Variants in GLT8D2 observed in about 807,000 individuals in gnomAD.
GLT8D2 encodes the protein glycosyltransferase 8 domain containing 2.
Under a neutral mutation model 44.5 loss-of-function variants are expected in GLT8D2, and 45 were observed. The ratio of observed to expected loss-of-function variants is 1.01; its 90% CI spans 0.80 to 1.30. The LOEUF (loss-of-function observed/expected upper bound fraction) is 1.30, where lower values mean the gene tolerates loss of function less well. Ranked by LOEUF, GLT8D2 falls within the 50% of genes most tolerant of loss-of-function variation. The probability of loss-of-function intolerance (pLI) is 0.00; values close to 1 mark genes in which losing one functional copy is unlikely to be tolerated. For missense variants in GLT8D2, 400 were observed against 430.4 expected (o/e 0.93, Z 0.62); for synonymous variants, 156 against 157.2 (o/e 0.99, Z 0.06).
chr12:104,047,595 T>C (rs542318064), intron 1 of GLT8D2, among the ~76,000 whole-genome samples: 1 of 152,298 alleles, frequency 6.6e-6, no homozygotes, highest in South Asian at 2.1e-4. Flanking sequence ...TGTGAGCCGC[T>C]GTGCCCAGCC....
chr12:104,014,974 C>T, intron 4 of GLT8D2, 39 bp downstream of exon 4: 1 of 1,429,848 alleles, frequency 7.0e-7, no homozygotes, highest in Non-Finnish European at 9.9e-7. Flanking sequence ...AAACCACATT[C>T]CTGGGTATCC....
intron 1 of GLT8D2, among the ~76,000 whole-genome samples, chr12:104,038,888 C>T (rs1421113841): frequency 6.6e-6 from 1 of 152,156 alleles, no homozygotes; most frequent in Non-Finnish European, 1.5e-5. Context: ...TACCTGACTT[C>T]AAACTATACT....
At chr12:104,015,436 A>ACACACACACAC (rs1555278722) in intron 3 of GLT8D2, among the ~76,000 whole-genome samples, 40 of 148,412 alleles carry the variant, frequency 2.7e-4, no homozygotes, top group South Asian at 6.4e-4. Context: ...ACACACACAC[A>ACACACACACAC]AATTAGCTGG....
intron 8 of GLT8D2, 75 bp downstream of exon 8, chr12:103,996,660 T>G: frequency 9.5e-7 from 1 of 1,053,170 alleles, no homozygotes; most frequent in Admixed American, 1.9e-5. Context: ...TTACACTCAT[T>G]TTGACTTGCA....
At chr12:104,022,774 A>ATG (rs1206415577) in intron 1 of GLT8D2, among the ~76,000 whole-genome samples, 10 of 149,798 alleles carry the variant, frequency 6.7e-5, no homozygotes, top group South Asian at 2.1e-4. Context: ...ACACACATGC[A>ATG]CACACACACA....
intron 10 of GLT8D2, 46 bp from the exon 11 acceptor site, chr12:103,989,623 C>T (rs772719598): frequency 3.4e-6 from 5 of 1,451,680 alleles, no homozygotes; most frequent in South Asian, 1.3e-5. Context: ...TAGAGAATAA[C>T]ATTTTTGTAT....
At chr12:104,053,816 G>A (rs1487462892), upstream of GLT8D2, among the ~76,000 whole-genome samples, 6 of 151,748 alleles carry the variant, frequency 4.0e-5, no homozygotes, top group South Asian at 2.1e-4. Flanking sequence ...CCCGGGAGGC[G>A]GAGTTTGCAG....
At chr12:104,048,527 G>A (rs1224417876) in intron 1 of GLT8D2, among the ~76,000 whole-genome samples, 1 of 152,230 alleles carries the variant, frequency 6.6e-6, no homozygotes, top group Non-Finnish European at 1.5e-5. Flanking sequence ...TGAGGGCTGT[G>A]CCTTAATGAA....
At chr12:104,015,160 G>T in intron 3 of GLT8D2, 55 bp from the exon 4 acceptor site, 2 of 1,408,822 alleles carry the variant, frequency 1.4e-6, no homozygotes, top group South Asian at 2.4e-5. Flanking sequence ...GAAATCACGT[G>T]ACAAAGTTTA....
At chr12:103,992,881 A>T (rs1309450287) in intron 10 of GLT8D2, among the ~76,000 whole-genome samples, 1 of 152,184 alleles carries the variant, frequency 6.6e-6, no homozygotes, top group Non-Finnish European at 1.5e-5. Context: ...CTCCAGAAAC[A>T]CGCTCCTCAG....
rs577550996 is a variant in GLT8D2 at position 104,000,803 on chromosome 12, A to G, written c.285-1289T>C. Among the ~76,000 whole-genome samples, 5 of 152,318 alleles carry G rather than the reference A, an allele frequency of 3.3e-5. No individual in the cohort carries two copies. The South Asian group carries it at 6.2e-4, about 19-fold the overall frequency. On this transcript the variant is annotated intron_variant, in intron 5 of 10. Transcript: ENST00000360814. ...AGGAGAGTGAGAAATGAGACAGAAA[A>G]TCCAGAAAGCATACACAAGACATCA...
At chr12:104,015,857 G>A (rs1184483771) in intron 3 of GLT8D2, among the ~76,000 whole-genome samples, 1 of 152,090 alleles carries the variant, frequency 6.6e-6, no homozygotes, top group Non-Finnish European at 1.5e-5. Context: ...ACAAAAATTA[G>A]CTGGGCGTGA....
In GLT8D2 at chr12:103,994,474, G is replaced by A. The variant is rs148318774; in HGVS notation, c.628C>T (p.Arg210Trp). Residue 210 changes from arginine to tryptophan, a missense_variant, in exon 9 of 11, where the codon CGG becomes TGG. By Grantham distance (101) the Arg-to-Trp change is moderately radical. Transcript: ENST00000360814. ...QNTYMGYLDY[R>W]KKAIKDLGIS... ...CCAAGGTCCTTGATGGCCTTCTTCC[G>A]GTAGTCCAGATAGCCCATATATGTG... 8.4e-5 allele frequency: 135 copies of A among 1,613,974 alleles called. No individual in the cohort carries two copies. The highest frequency in any genetic ancestry group is 4.5e-4 in the Admixed American group (27 of 60,006).
chr12:104,006,328 T>C (rs1465583744), intron 4 of GLT8D2, among the ~76,000 whole-genome samples: 1 of 152,122 alleles, frequency 6.6e-6, no homozygotes, highest in East Asian at 1.9e-4. Flanking sequence ...TATACATATG[T>C]AACAAACCTG....
chr12:104,001,622 T>C (rs1343983319), intron 5 of GLT8D2, among the ~76,000 whole-genome samples: 3 of 152,246 alleles, frequency 2.0e-5, no homozygotes, highest in Non-Finnish European at 4.4e-5. Flanking sequence ...ATTTTTATTT[T>C]CATTTTCAAC....
intron 1 of GLT8D2, among the ~76,000 whole-genome samples, chr12:104,025,345 ACTACAGGT>A (rs1336192950): frequency 1.3e-5 from 2 of 151,878 alleles, no homozygotes; most frequent in African/African-American, 2.4e-5. Context: ...AGCAGCTGGG[ACTACAGGT>A]GCACACCACT....
At chr12:104,060,577 A>G (rs1187793340) in intron 1 of GLT8D2, among the ~76,000 whole-genome samples, 2 of 152,218 alleles carry the variant, frequency 1.3e-5, no homozygotes, top group Non-Finnish European at 2.9e-5. Context: ...AATCAAGTTA[A>G]GATGAGATCA....
At position 103,992,490 on chromosome 12, in the gene GLT8D2, TC is replaced by T. The variant is rs1267995526; in HGVS notation, c.880+901del. 1.5e-4 allele frequency among the ~76,000 whole-genome samples: 20 copies of T among 137,176 alleles called. 1 individual carries two copies. The highest frequency in any genetic ancestry group is 4.2e-4 in the Admixed American group (6 of 14,118). 90.0% of individuals were successfully genotyped at this position (137,176 alleles called of 152,430 possible). A position where few individuals can be genotyped will look rare whatever the true frequency, so the allele number is the denominator to read the frequency against. Reference sequence around the variant, plus strand: ...AGTGAAAGTTCTCTCTCTCTCTCTCTCTTTTTTTTTTTTTTTTTTGAGATAG... The same window carrying T: ...AGTGAAAGTTCTCTCTCTCTCTCTCTTTTTTTTTTTTTTTTTTTGAGATAG... On this transcript the variant is annotated intron_variant, in intron 10 of 10. Coordinates refer to ENST00000360814, the MANE Select transcript of GLT8D2 (RefSeq NM_001384711.1).
chr12:103,989,275 A>G lies in GLT8D2; in HGVS notation c.*133T>C. 1 of 667,720 alleles carries G rather than the reference A, an allele frequency of 1.5e-6. No homozygotes were observed. Among genetic ancestry groups the G allele is most frequent in the Non-Finnish European group, 2.4e-6 (1 of 408,888 alleles). 41.4% of individuals were successfully genotyped at this position (667,720 alleles called of 1,614,324 possible). Reference sequence around the variant, plus strand: ...ATATGGTCCAAGGTATAATTTGCACACAGTAGTTTTTGGTTTTTATATTGT... The same window carrying G: ...ATATGGTCCAAGGTATAATTTGCACGCAGTAGTTTTTGGTTTTTATATTGT... On this transcript the variant is annotated 3_prime_UTR_variant, in exon 11 of 11. Coordinates refer to ENST00000360814, the MANE Select transcript of GLT8D2 (RefSeq NM_001384711.1).
Sources: allele counts gnomAD v4.1 joint callset (sites outside exome capture counted in the v4.1 genomes callset), GRCh38; gene constraint gnomAD v4.1.1; transcripts MANE v1.5; gene names NCBI Gene and HGNC (gene_info 2026-07-23, HGNC 2026-07-21).